ITGA9: variants seen among roughly 807,000 people sequenced by gnomAD.
ITGA9 encodes integrin alpha-9.
ITGA9 carries 56 observed loss-of-function variants against 127.8 expected under a neutral mutation model. The ratio of observed to expected loss-of-function variants is 0.44; its 90% CI spans 0.35 to 0.55. The LOEUF (loss-of-function observed/expected upper bound fraction) is 0.55, where lower values mean the gene tolerates loss of function less well. ITGA9 is among the 20% of genes least tolerant of loss of function. ITGA9 has a pLI of 0.00. For missense variants in ITGA9, 1,196 were observed against 1,347.1 expected (o/e 0.89, Z 1.76); for synonymous variants, 508 against 514.5 (o/e 0.99, Z 0.17).
intron 16 of ITGA9, 95 bp from the exon 17 acceptor site, chr3:37,653,619 G>A (rs2125647400): frequency 1.1e-6 from 1 of 934,974 alleles, no homozygotes; most frequent in Non-Finnish European, 1.8e-6. Context: ...GCTCAGGGGA[G>A]GAATTCCCAC....
At chr3:37,564,070 A>G (rs1442044941) in intron 15 of ITGA9, among the ~76,000 whole-genome samples, 1 of 152,258 alleles carries the variant, frequency 6.6e-6, no homozygotes, top group Non-Finnish European at 1.5e-5. Context: ...TTTTTATTGC[A>G]GGACTTCATG....
At chr3:37,748,115 C>T (rs1042002077) in intron 22 of ITGA9, 4 of 477,556 alleles carry the variant, frequency 8.4e-6, no homozygotes, top group Middle Eastern at 4.2e-4. Flanking sequence ...GCCAAAATGT[C>T]GAACACAAAG....
chr3:37,658,704 A>G (rs1700503152), intron 17 of ITGA9, among the ~76,000 whole-genome samples: 1 of 152,260 alleles, frequency 6.6e-6, no homozygotes, highest in South Asian at 2.1e-4. Context: ...TAATATTGTT[A>G]TGTGTGAATT....
chr3:37,820,689 A>G lies in ITGA9; in HGVS notation c.*1700A>G, dbSNP rs1697503120. The G allele has an allele frequency of 6.6e-6, 1 of 152,320 alleles. No homozygotes were observed. The highest frequency in any genetic ancestry group is 1.5e-5 in the Non-Finnish European group (1 of 68,056). The allele number at this position is 152,320 out of a possible 1,614,324, so 9.4% of individuals were successfully genotyped here. ...GTTAACAGCTATGGCTGCTATTCCT[A>G]CTGATGGATAACCATCTAATAAGAC... On this transcript the variant is annotated 3_prime_UTR_variant, in exon 28 of 28. Coordinates refer to ENST00000264741, the MANE Select transcript of ITGA9 (RefSeq NM_002207.3).
intron 15 of ITGA9, among the ~76,000 whole-genome samples, chr3:37,600,631 G>GCCT (rs1699914113): frequency 1.3e-5 from 2 of 152,148 alleles, no homozygotes; most frequent in South Asian, 4.1e-4. Flanking sequence ...ATCTCAAGAA[G>GCCT]CCCTTACGGA....
intron 5 of ITGA9, among the ~76,000 whole-genome samples, chr3:37,494,879 T>C (rs868308776): frequency 2.6e-5 from 4 of 152,132 alleles, no homozygotes; most frequent in Non-Finnish European, 5.9e-5. Flanking sequence ...GTGAGTGAGA[T>C]GACATTCAGT....
intron 15 of ITGA9, among the ~76,000 whole-genome samples, chr3:37,586,892 C>G (rs752584590): frequency 1.8e-4 from 27 of 152,164 alleles, no homozygotes; most frequent in Admixed American, 1.2e-3. Flanking sequence ...TTCTTCCTTT[C>G]CATCCCAAAT....
At chr3:37,684,879 A>G (rs1437742723) in intron 18 of ITGA9, among the ~76,000 whole-genome samples, 1 of 152,206 alleles carries the variant, frequency 6.6e-6, no homozygotes, top group Non-Finnish European at 1.5e-5. Flanking sequence ...GCATGACTCA[A>G]AGGTACAGTG....
At chr3:37,694,416 G>C (rs760288661) in intron 18 of ITGA9, among the ~76,000 whole-genome samples, 1 of 152,226 alleles carries the variant, frequency 6.6e-6, no homozygotes, top group Non-Finnish European at 1.5e-5. Context: ...AGACAGGCTG[G>C]GCGCTTCCTG....
chr3:37,560,137 T>A (rs924310954), intron 15 of ITGA9, among the ~76,000 whole-genome samples: 1 of 151,810 alleles, frequency 6.6e-6, no homozygotes, highest in Non-Finnish European at 1.5e-5. Context: ...GTGTGTGATG[T>A]TCCCTGCCCT....
At chr3:37,640,319 G>A (rs1700320251) in intron 16 of ITGA9, among the ~76,000 whole-genome samples, 2 of 152,162 alleles carry the variant, frequency 1.3e-5, no homozygotes, top group Admixed American at 1.3e-4. Flanking sequence ...AGGTCAGAGA[G>A]ACTTGAAGCA....
At chr3:37,652,185 A>T (rs1216543318) in intron 16 of ITGA9, among the ~76,000 whole-genome samples, 1 of 151,710 alleles carries the variant, frequency 6.6e-6, no homozygotes, top group East Asian at 1.9e-4. Context: ...CCTAGGGGCC[A>T]TGTCAGCTGG....
chr3:37,672,376 T>A (rs926561613), intron 17 of ITGA9, among the ~76,000 whole-genome samples: 1 of 151,768 alleles, frequency 6.6e-6, no homozygotes, highest in East Asian at 1.9e-4. Context: ...TAAAGGGGAG[T>A]TCCCCTGCAC....
intron 3 of ITGA9, among the ~76,000 whole-genome samples, chr3:37,476,444 T>C (rs550319134): frequency 6.6e-6 from 1 of 152,340 alleles, no homozygotes; most frequent in African/African-American, 2.4e-5. Flanking sequence ...TGATGATTAG[T>C]AACATTGAGC....
At chr3:37,513,652 G>A in intron 8 of ITGA9, 111 bp from the exon 9 acceptor site, 1 of 1,275,004 alleles carries the variant, frequency 7.8e-7, no homozygotes, top group Non-Finnish European at 1.1e-6. Context: ...TGTTCTCATT[G>A]TTCAATTCCT....
chr3:37,558,107 G>C (rs1033120070), intron 15 of ITGA9, among the ~76,000 whole-genome samples: 1 of 152,214 alleles, frequency 6.6e-6, no homozygotes, highest in Non-Finnish European at 1.5e-5. Flanking sequence ...ACGTGTGTCC[G>C]TGCTCTGAGG....
chr3:37,562,808 T>A (rs531419757), intron 15 of ITGA9, among the ~76,000 whole-genome samples: 1 of 152,310 alleles, frequency 6.6e-6, no homozygotes, highest in South Asian at 2.1e-4. Context: ...TGGAGAAATG[T>A]GGCATGTGGC....
intron 10 of ITGA9, among the ~76,000 whole-genome samples, chr3:37,518,093 C>CGTGTGTGTGTGTGTGT (rs55842055): frequency 0.054 from 7,842 of 144,048 alleles, 304 homozygotes; most frequent in Non-Finnish European, 0.072. Flanking sequence ...AGAGTGTACG[C>CGTGTGTGTGTGTGTGT]GTGTGTGTGT....
intron 15 of ITGA9, among the ~76,000 whole-genome samples, chr3:37,627,299 C>T (rs1176232701): frequency 6.6e-6 from 1 of 152,178 alleles, no homozygotes; most frequent in Non-Finnish European, 1.5e-5. Context: ...GTCTCCCATG[C>T]CTCACAGCTC....
Sources: allele counts gnomAD v4.1 joint callset (sites outside exome capture counted in the v4.1 genomes callset), GRCh38; gene constraint gnomAD v4.1.1; transcripts MANE v1.5; gene names NCBI Gene and HGNC (gene_info 2026-07-23, HGNC 2026-07-21).